Variants in PRKAA2 observed in about 807,000 individuals in gnomAD.
PRKAA2 encodes the protein 5'-AMP-activated protein kinase catalytic subunit alpha-2.
PRKAA2 carries 40 observed loss-of-function variants against 56.3 expected under a neutral mutation model. That is an observed-to-expected ratio of 0.71 (90% CI 0.55 to 0.92). PRKAA2 has a LOEUF of 0.92. PRKAA2 is among the 40% of genes least tolerant of loss of function. The pLI is 0.00. For missense variants in PRKAA2, 542 were observed against 686.9 expected (o/e 0.79, Z 2.36); for synonymous variants, 214 against 234.2 (o/e 0.91, Z 0.79).
chr1:56,712,715 G>T lies in PRKAA2; in HGVS notation c.*5002G>T, dbSNP rs1479532768. ...AAAAATACCAAAATTATCCGGTGTG[G>T]TGACAGGCTGCTTGTAATCCCAGCT... On this transcript the variant is annotated 3_prime_UTR_variant, in exon 9 of 9. Transcript: ENST00000371244. The T allele has an allele frequency of 6.6e-6, 1 of 152,050 alleles. No homozygotes were observed. Among genetic ancestry groups the T allele is most frequent in the Non-Finnish European group, 1.5e-5 (1 of 68,002 alleles). 9.4% of individuals were successfully genotyped at this position (152,050 alleles called of 1,614,324 possible). A position where few individuals can be genotyped will look rare whatever the true frequency, so the allele number is the denominator to read the frequency against.
At chr1:56,699,421 C>CATCCT (rs1482900431) in intron 6 of PRKAA2, among the ~76,000 whole-genome samples, 1 of 152,104 alleles carries the variant, frequency 6.6e-6, no homozygotes, top group Non-Finnish European at 1.5e-5. Flanking sequence ...CCTTCATAAA[C>CATCCT]ATCCTAGTTA....
At position 56,704,817 on chromosome 1, in the gene PRKAA2, T is replaced by C. The variant is rs1490290529; in HGVS notation, c.1293+342T>C. 2.0e-5 allele frequency among the ~76,000 whole-genome samples: 3 copies of C among 152,056 alleles called. No homozygotes were observed. In the East Asian group the frequency reaches 5.8e-4, roughly 29 times the overall value. On this transcript the variant is annotated intron_variant, in intron 7 of 8. Transcript: ENST00000371244. ...TTTCTCTTTTTTTTTTTAGGGAGGT[T>C]ATTTTTCTTTTCTCTTTTTTTTAGG...
intron 1 of PRKAA2, among the ~76,000 whole-genome samples, chr1:56,670,060 T>C (rs987739426): frequency 2.0e-5 from 3 of 152,230 alleles, no homozygotes; most frequent in Non-Finnish European, 4.4e-5. Flanking sequence ...AAAAACAAAA[T>C]GAACCACTAA....
chr1:56,661,120 A>G (rs981737444), intron 1 of PRKAA2, among the ~76,000 whole-genome samples: 1 of 152,120 alleles, frequency 6.6e-6, no homozygotes, highest in Non-Finnish European at 1.5e-5. Flanking sequence ...TGACCACCCC[A>G]TGAGGCCCAA....
At chr1:56,704,763 G>A (rs1271760998) in intron 7 of PRKAA2, among the ~76,000 whole-genome samples, 2 of 151,872 alleles carry the variant, frequency 1.3e-5, no homozygotes, top group South Asian at 2.1e-4. Context: ...GAAAAATCAT[G>A]AGTGTCTTCA....
intron 6 of PRKAA2, among the ~76,000 whole-genome samples, chr1:56,701,563 T>A (rs1202718658): frequency 2.0e-5 from 3 of 152,116 alleles, no homozygotes; most frequent in Non-Finnish European, 4.4e-5. Flanking sequence ...TTTACTCTAC[T>A]AGGTAGTAGG....
At chr1:56,677,658 CT>C (rs10597018) in intron 2 of PRKAA2, among the ~76,000 whole-genome samples, 1,666 of 144,520 alleles carry the variant, frequency 0.012, 27 homozygotes, top group African/African-American at 0.037. Context: ...GCTTCTTTTC[CT>C]TTTTTTTTTT....
chr1:56,685,924 T>C (rs1332378503), intron 2 of PRKAA2, among the ~76,000 whole-genome samples: 1 of 152,244 alleles, frequency 6.6e-6, no homozygotes, highest in Non-Finnish European at 1.5e-5. Context: ...TCATGGTTTT[T>C]TAAATTTATG....
chr1:56,690,757 A>T (rs1644224208), intron 2 of PRKAA2, among the ~76,000 whole-genome samples: 1 of 152,122 alleles, frequency 6.6e-6, no homozygotes, highest in African/African-American at 2.4e-5. Context: ...AGGAAAATAT[A>T]TGTATGTTTT....
chr1:56,709,688 C>A lies in PRKAA2; in HGVS notation c.*1975C>A, dbSNP rs1644357002. 2 of 152,030 alleles carry A rather than the reference C, an allele frequency of 1.3e-5. No homozygotes were observed. Among genetic ancestry groups the A allele is most frequent in the South Asian group, 4.1e-4 (2 of 4,826 alleles). 9.4% of individuals were successfully genotyped at this position (152,030 alleles called of 1,614,324 possible). A position where few individuals can be genotyped will look rare whatever the true frequency, so the allele number is the denominator to read the frequency against. ...ATAAGGAACTAATCAGATTACTTAA[C>A]CCCAATGACAAAATCCACAAAAATT... On this transcript the variant is annotated 3_prime_UTR_variant, in exon 9 of 9. Transcript: ENST00000371244.
At chr1:56,674,594 A>G (rs1291905443) in intron 2 of PRKAA2, 72 bp downstream of exon 2, 1 of 1,219,948 alleles carries the variant, frequency 8.2e-7, no homozygotes, top group Non-Finnish European at 1.1e-6. Flanking sequence ...TTTTATAATA[A>G]TTGTTAATTG....
At chr1:56,679,900 C>T (rs1644141424) in intron 2 of PRKAA2, among the ~76,000 whole-genome samples, 2 of 152,124 alleles carry the variant, frequency 1.3e-5, no homozygotes, top group South Asian at 4.2e-4. Flanking sequence ...TGATGGTGAT[C>T]CATTTCCACT....
intron 1 of PRKAA2, among the ~76,000 whole-genome samples, chr1:56,659,728 C>T (rs867049129): frequency 3.3e-5 from 5 of 151,784 alleles, no homozygotes; most frequent in South Asian, 2.1e-4. Context: ...GACAAAATGG[C>T]GAAACCCCAT....
At chr1:56,676,859 C>T (rs1315176440) in intron 2 of PRKAA2, among the ~76,000 whole-genome samples, 1 of 152,116 alleles carries the variant, frequency 6.6e-6, no homozygotes, top group Non-Finnish European at 1.5e-5. Flanking sequence ...CCGGTGATGA[C>T]TCAGTTCTCA....
chr1:56,650,254 A>G (rs1381613768), intron 1 of PRKAA2, among the ~76,000 whole-genome samples: 1 of 152,238 alleles, frequency 6.6e-6, no homozygotes, highest in Non-Finnish European at 1.5e-5. Context: ...TGTATTTGTT[A>G]ATAAAGCCTT....
chr1:56,656,714 T>C (rs777839030), intron 1 of PRKAA2, among the ~76,000 whole-genome samples: 17 of 152,196 alleles, frequency 1.1e-4, no homozygotes, highest in Non-Finnish European at 2.2e-4. Flanking sequence ...CCCAACTTCA[T>C]GTACCCCTGT....
At chr1:56,646,516 C>T (rs1034110257) in intron 1 of PRKAA2, among the ~76,000 whole-genome samples, 3 of 152,130 alleles carry the variant, frequency 2.0e-5, no homozygotes, top group Non-Finnish European at 2.9e-5. Flanking sequence ...ATGGAACTTT[C>T]ATTTGTTTTC....
intron 2 of PRKAA2, among the ~76,000 whole-genome samples, chr1:56,678,920 T>G (rs1644133919): frequency 1.3e-5 from 2 of 152,174 alleles, no homozygotes. Flanking sequence ...GGCCTTGATC[T>G]CTTGACTTCG....
At chr1:56,679,606 A>AT (rs2100410817) in intron 2 of PRKAA2, among the ~76,000 whole-genome samples, 1 of 151,898 alleles carries the variant, frequency 6.6e-6, no homozygotes, top group African/African-American at 2.4e-5. Flanking sequence ...GAATTTATCC[A>AT]TTTTTCTTTG....
Sources: allele counts gnomAD v4.1 joint callset (sites outside exome capture counted in the v4.1 genomes callset), GRCh38; gene constraint gnomAD v4.1.1; transcripts MANE v1.5; gene names NCBI Gene and HGNC (gene_info 2026-07-23, HGNC 2026-07-21).